Variants in NRG1 observed in about 807,000 individuals in gnomAD.
The protein encoded by NRG1 is pro-neuregulin-1, membrane-bound isoform.
NRG1 carries 18 observed loss-of-function variants against 63.8 expected under a neutral mutation model. The observed-to-expected ratio is 0.28, with a 90% CI of 0.19 to 0.42. NRG1 has a LOEUF of 0.42. Ranked by LOEUF, NRG1 falls within the 10% of genes least tolerant of loss-of-function variation. The probability of loss-of-function intolerance (pLI) is 1.00; values close to 1 mark genes in which losing one functional copy is unlikely to be tolerated. For synonymous variants in NRG1, 302 were observed against 301.3 expected (o/e 1.00, Z -0.02); for missense variants, 762 against 814.7 (o/e 0.94, Z 0.79).
intron 1 of NRG1, among the ~76,000 whole-genome samples, chr8:32,371,167 G>A (rs1324017508): frequency 5.9e-5 from 9 of 152,014 alleles, no homozygotes; most frequent in African/African-American, 1.9e-4. Context: ...AGCCGAGATT[G>A]TGCCACTGCA....
At chr8:32,668,385 A>G (rs1804774649) in intron 5 of NRG1, among the ~76,000 whole-genome samples, 1 of 152,150 alleles carries the variant, frequency 6.6e-6, no homozygotes, top group Non-Finnish European at 1.5e-5. Context: ...CCTAGTTTCT[A>G]TCACTAGTGG....
chr8:31,639,632 C>G, intron 1 of NRG1: 7 of 1,408,930 alleles, frequency 5.0e-6, no homozygotes, highest in Middle Eastern at 2.5e-4. Context: ...CGTCCTCCTC[C>G]GGTGACAGCA....
intron 1 of NRG1, among the ~76,000 whole-genome samples, chr8:31,652,157 G>A (rs1282802034): frequency 6.6e-6 from 1 of 152,140 alleles, no homozygotes. Context: ...CCATATGGCA[G>A]CATTAATATT....
intron 1 of NRG1, among the ~76,000 whole-genome samples, chr8:32,084,220 ATCGTCC>A (rs1827900830): frequency 2.0e-5 from 3 of 152,212 alleles, no homozygotes; most frequent in Admixed American, 1.3e-4. Flanking sequence ...TTTTAGTTCC[ATCGTCC>A]TTATTAAAGG....
intron 5 of NRG1, chr8:32,721,958 T>G (rs1820752672): frequency 6.5e-7 from 1 of 1,543,718 alleles, no homozygotes. Flanking sequence ...AGAGCAAGAA[T>G]AATAATTTCA....
chr8:32,430,248 A>C (rs1817955145), intron 1 of NRG1, among the ~76,000 whole-genome samples: 1 of 152,194 alleles, frequency 6.6e-6, no homozygotes. Flanking sequence ...AGATGCCCTT[A>C]AGAATTCTGG....
chr8:32,016,380 C>T (rs1276278472), intron 1 of NRG1, among the ~76,000 whole-genome samples: 1 of 151,960 alleles, frequency 6.6e-6, no homozygotes, highest in Non-Finnish European at 1.5e-5. Flanking sequence ...CTTCTTAATT[C>T]TGTCTGCAGG....
At chr8:32,008,079 C>A (rs1183252332) in intron 1 of NRG1, among the ~76,000 whole-genome samples, 1 of 151,984 alleles carries the variant, frequency 6.6e-6, no homozygotes, top group Middle Eastern at 3.2e-3. Flanking sequence ...ATTTCATTAT[C>A]CATTTTGCAG....
chr8:32,354,599 T>C (rs1806099286), intron 1 of NRG1, among the ~76,000 whole-genome samples: 1 of 151,408 alleles, frequency 6.6e-6, no homozygotes, highest in African/African-American at 2.4e-5. Context: ...TGGTATACTG[T>C]AAATATGTGC....
At chr8:32,446,515 C>T (rs982848244) in intron 1 of NRG1, among the ~76,000 whole-genome samples, 6 of 151,910 alleles carry the variant, frequency 3.9e-5, no homozygotes, top group Admixed American at 1.3e-4. Flanking sequence ...ATTAGCTGGG[C>T]GTGGTGGTAC....
Position 32,132,690 on chromosome 8 carries a change from T to C in NRG1, c.38-463138T>C, listed in dbSNP as rs565824911. On this transcript the variant is annotated intron_variant, in intron 1 of 10. Coordinates refer to the NRG1 transcript ENST00000519301. ...AATGCATGGAAGAACACATCTGAGA[T>C]AATATAGTGTTTACTGCTTTGCCAT... 2.0e-5 allele frequency among the ~76,000 whole-genome samples: 3 copies of C among 152,238 alleles called. No individual in the cohort carries two copies. The East Asian group carries it at 5.8e-4, about 29-fold the overall frequency.
intron 1 of NRG1, among the ~76,000 whole-genome samples, chr8:31,872,488 T>C (rs1829575420): frequency 6.6e-6 from 1 of 152,208 alleles, no homozygotes; most frequent in Admixed American, 6.5e-5. Flanking sequence ...TGGCATCTGT[T>C]AGTTTTCAAC....
chr8:32,366,701 AT>A (rs1563367101), intron 1 of NRG1, among the ~76,000 whole-genome samples: 2 of 47,692 alleles, frequency 4.2e-5, no homozygotes, highest in African/African-American at 1.1e-4. Context: ...ATATATATAT[AT>A]ATATATATAT....
intron 1 of NRG1, among the ~76,000 whole-genome samples, chr8:32,556,122 G>A (rs530479896): frequency 6.6e-6 from 1 of 152,232 alleles, no homozygotes; most frequent in South Asian, 2.1e-4. Flanking sequence ...GGTCATACCT[G>A]GCTGAATATT....
chr8:32,344,395 T>TTTCTTTCTTTCTTTCTTCCTC (rs1804552888), intron 1 of NRG1, among the ~76,000 whole-genome samples: 5 of 124,204 alleles, frequency 4.0e-5, no homozygotes, highest in African/African-American at 8.8e-5. Context: ...TTTCTTTCTT[T>TTTCTTTCTTTCTTTCTTCCTC]TTTGTGCATG....
chr8:32,210,043 A>G (rs575177864), intron 1 of NRG1, among the ~76,000 whole-genome samples: 89 of 152,166 alleles, frequency 5.8e-4, no homozygotes, highest in Non-Finnish European at 1.0e-3. Flanking sequence ...GCTTCCTGCA[A>G]TATGATAAAC....
intron 1 of NRG1, among the ~76,000 whole-genome samples, chr8:32,412,421 T>TCTCC (rs1491166139): frequency 1.0e-5 from 1 of 96,836 alleles, no homozygotes; most frequent in African/African-American, 3.7e-5. Flanking sequence ...TCTCTCTCTC[T>TCTCC]ACATATATAT....
intron 1 of NRG1, among the ~76,000 whole-genome samples, chr8:32,466,069 G>A (rs182734219): frequency 2.0e-5 from 3 of 152,242 alleles, no homozygotes; most frequent in South Asian, 4.2e-4. Flanking sequence ...TTGGGAGGCC[G>A]AGATGGGCTG....
chr8:32,309,065 A>G (rs1856531665), intron 1 of NRG1, among the ~76,000 whole-genome samples: 1 of 152,218 alleles, frequency 6.6e-6, no homozygotes, highest in Non-Finnish European at 1.5e-5. Flanking sequence ...GTGCCATCCC[A>G]AAATATGGCA....
Sources: gnomAD v4.1 joint callset for allele counts (sites outside exome capture counted in the v4.1 genomes callset) on GRCh38, gnomAD v4.1.1 for gene constraint, MANE v1.5 for transcripts, NCBI Gene and HGNC (gene_info 2026-07-23, HGNC 2026-07-21) for gene names.